Variants in MGAT4A observed in about 807,000 individuals in gnomAD.
MGAT4A encodes alpha-1,3-mannosyl-glycoprotein 4-beta-N-acetylglucosaminyltransferase A, also known as N-acetylglucosaminyltransferase IVa.
MGAT4A carries 33 observed loss-of-function variants against 74.1 expected under a neutral mutation model. That is an observed-to-expected ratio of 0.45 (90% CI 0.34 to 0.60). MGAT4A has a LOEUF of 0.60. Ranked by LOEUF, MGAT4A falls within the 20% of genes least tolerant of loss-of-function variation. The pLI, the probability that MGAT4A is intolerant of heterozygous loss-of-function variation, is 0.02. For missense variants in MGAT4A, 479 were observed against 628.3 expected, an observed-to-expected ratio of 0.76 and a Z score of 2.54; for synonymous variants, 198 against 210.4, an observed-to-expected ratio of 0.94 and a Z score of 0.51.
chr2:98,725,264 C>T (rs1307645031), intron 2 of MGAT4A, among the ~76,000 whole-genome samples: 1 of 152,144 alleles, frequency 6.6e-6, no homozygotes, highest in African/African-American at 2.4e-5. Flanking sequence ...GGGGAAAAGA[C>T]TCTACTTGCT....
intron 2 of MGAT4A, chr2:98,695,241 T>C (rs1317953799): frequency 3.3e-5 from 5 of 153,056 alleles, no homozygotes. Flanking sequence ...TTCACCATGC[T>C]GGCCTGCCTG....
chr2:98,650,336 A>G (rs893601492), intron 8 of MGAT4A, among the ~76,000 whole-genome samples: 1 of 152,218 alleles, frequency 6.6e-6, no homozygotes, highest in Non-Finnish European at 1.5e-5. Context: ...CAAGGAGAAG[A>G]GAGCCTATTT....
At chr2:98,699,714 C>G (rs896153560) in intron 2 of MGAT4A, among the ~76,000 whole-genome samples, 2 of 151,952 alleles carry the variant, frequency 1.3e-5, no homozygotes, top group African/African-American at 2.4e-5. Flanking sequence ...GTATGGGAAA[C>G]ATTTGTGATA....
chr2:98,711,334 G>T (rs1702516383), intron 2 of MGAT4A, among the ~76,000 whole-genome samples: 1 of 150,692 alleles, frequency 6.6e-6, no homozygotes. Flanking sequence ...AAGCAACCAG[G>T]TTCCTGGCCC....
At chr2:98,628,841 C>T (rs1316708341) in intron 14 of MGAT4A, among the ~76,000 whole-genome samples, 2 of 152,174 alleles carry the variant, frequency 1.3e-5, no homozygotes, top group East Asian at 3.9e-4. Flanking sequence ...ATAAATGCAT[C>T]ATTGTGATCT....
At chr2:98,648,821 G>A (rs1042498077) in intron 8 of MGAT4A, among the ~76,000 whole-genome samples, 7 of 151,092 alleles carry the variant, frequency 4.6e-5, no homozygotes, top group Middle Eastern at 3.5e-3. Context: ...ATTTGAGGCC[G>A]GGAGTTCAAG....
Position 98,625,296 on chromosome 2 carries a change from G to A in MGAT4A, c.*270C>T, listed in dbSNP as rs974507372. On this transcript the variant is annotated 3_prime_UTR_variant, in exon 16 of 16. Transcript: ENST00000393487. ...ATGTAACAATATGTACAACTCTTAT[G>A]TATTAGTATAATACCAAAATAGTAC... The A allele has an allele frequency of 8.6e-6, 10 of 1,156,142 alleles. No individual in the cohort carries two copies. The Admixed American group carries it at 2.5e-4, about 29-fold the overall frequency. 71.6% of individuals were successfully genotyped at this position (1,156,142 alleles called of 1,614,324 possible). A position where few individuals can be genotyped will look rare whatever the true frequency, so the allele number is the denominator to read the frequency against.
intron 4 of MGAT4A, among the ~76,000 whole-genome samples, chr2:98,667,990 TCA>T (rs1337362213): frequency 6.6e-6 from 1 of 152,266 alleles, no homozygotes; most frequent in East Asian, 1.9e-4. Flanking sequence ...AGTGCTGGGA[TCA>T]CAGGCGTGAG....
intron 8 of MGAT4A, among the ~76,000 whole-genome samples, chr2:98,650,432 A>G (rs1701559669): frequency 6.6e-6 from 1 of 152,220 alleles, no homozygotes; most frequent in Admixed American, 6.5e-5. Flanking sequence ...ATCTACACCA[A>G]GAAGAATCAT....
intron 2 of MGAT4A, among the ~76,000 whole-genome samples, chr2:98,723,095 T>C (rs1702703327): frequency 6.6e-6 from 1 of 152,218 alleles, no homozygotes; most frequent in South Asian, 2.1e-4. Context: ...ACAGCTTCCC[T>C]GGCAGGATTC....
chr2:98,652,417 A>G lies in MGAT4A; in HGVS notation c.774+3028T>C, dbSNP rs927125189. On this transcript the variant is annotated intron_variant, in intron 8 of 15. Coordinates refer to ENST00000393487, the MANE Select transcript of MGAT4A (RefSeq NM_012214.3). ...GCTATCTCGGCTCACTGCAAGCTCC[A>G]CCTCCCGGGTTCACGCCATTCTCCT... 3.0e-5 allele frequency among the ~76,000 whole-genome samples: 4 copies of G among 134,300 alleles called. No individual in the cohort carries two copies. In the Admixed American group the frequency reaches 3.4e-4, roughly 11 times the overall value. 88.1% of individuals were successfully genotyped at this position (134,300 alleles called of 152,430 possible). A position where few individuals can be genotyped will look rare whatever the true frequency, so the allele number is the denominator to read the frequency against.
intron 13 of MGAT4A, 87 bp downstream of exon 13, chr2:98,636,430 T>C: frequency 2.0e-6 from 2 of 995,392 alleles, no homozygotes; most frequent in Non-Finnish European, 3.1e-6. Context: ...ATGAGAATTT[T>C]CTTTCCCCTT....
At chr2:98,642,759 T>C (rs997267088) in intron 10 of MGAT4A, among the ~76,000 whole-genome samples, 1 of 152,244 alleles carries the variant, frequency 6.6e-6, no homozygotes, top group Admixed American at 6.5e-5. Flanking sequence ...AAACAATTTA[T>C]ATGTTCAACT....
chr2:98,649,714 A>G (rs1463866765), intron 8 of MGAT4A, among the ~76,000 whole-genome samples: 1 of 152,022 alleles, frequency 6.6e-6, no homozygotes, highest in Non-Finnish European at 1.5e-5. Context: ...GATTACACCC[A>G]CAAGCAGAGA....
rs1701071655 is a variant in MGAT4A at position 98,622,186 on chromosome 2, G to C, written c.*3380C>G. 3 of 985,388 alleles carry C rather than the reference G, an allele frequency of 3.0e-6. No individual in the cohort carries two copies. Among genetic ancestry groups the C allele is most frequent in the Non-Finnish European group, 3.6e-6 (3 of 829,920 alleles). 61.0% of individuals were successfully genotyped at this position (985,388 alleles called of 1,614,324 possible). A position where few individuals can be genotyped will look rare whatever the true frequency, so the allele number is the denominator to read the frequency against. On this transcript the variant is annotated 3_prime_UTR_variant, in exon 16 of 16. Coordinates refer to ENST00000393487, the MANE Select transcript of MGAT4A (RefSeq NM_012214.3). Reference sequence around the variant, plus strand: ...TGCATTATGTTCTATTCCCATGTCTGCTTTTAACCTCATGAGAATGTATTA... The same window carrying C: ...TGCATTATGTTCTATTCCCATGTCTCCTTTTAACCTCATGAGAATGTATTA...
At chr2:98,647,560 C>T (rs1299654773) in intron 8 of MGAT4A, among the ~76,000 whole-genome samples, 1 of 152,218 alleles carries the variant, frequency 6.6e-6, no homozygotes, top group East Asian at 1.9e-4. Context: ...CTCAGGTGAT[C>T]CACCCGCCTC....
chr2:98,676,045 C>T (rs186432548), intron 3 of MGAT4A, among the ~76,000 whole-genome samples: 2 of 151,932 alleles, frequency 1.3e-5, no homozygotes, highest in Admixed American at 1.3e-4. Flanking sequence ...ATTAGAGGAA[C>T]CAATGAATCA....
rs757240763 is a variant in MGAT4A at position 98,656,360 on chromosome 2, T to C, written c.690A>G (p.Glu230=). 5.4e-5 allele frequency: 86 copies of C among 1,589,622 alleles called. 1 individual carries two copies. Among genetic ancestry groups the C allele is most frequent in the Admixed American group, 2.0e-4 (12 of 59,340 alleles). Residue 230 remains glutamate, a synonymous_variant, in exon 7 of 16, where the codon GAA becomes GAG. Transcript: ENST00000393487. ...AAACGGCACATGCTCACCTTACTCT[T>C]TCTTTGGAGTCTCCAAATGTCTCCT... The part of the protein sequence containing the change: ...NLKETFGDSK[E]RVRWRTKQNL...
chr2:98,664,697 T>A (rs1701799362), intron 4 of MGAT4A, among the ~76,000 whole-genome samples: 2 of 152,182 alleles, frequency 1.3e-5, no homozygotes, highest in Non-Finnish European at 2.9e-5. Flanking sequence ...GAATGCCACA[T>A]TTATGTGTTT....
Sources: gnomAD v4.1 joint callset for allele counts (sites outside exome capture counted in the v4.1 genomes callset) on GRCh38, gnomAD v4.1.1 for gene constraint, MANE v1.5 for transcripts, NCBI Gene and HGNC (gene_info 2026-07-23, HGNC 2026-07-21) for gene names.